The following LARGE1 variants were observed in gnomAD, a reference collection of about 807,000 sequenced individuals.
LARGE1 encodes LARGE xylosyl- and glucuronyltransferase 1, also known as xylosyl- and glucuronyltransferase LARGE1.
Under a neutral mutation model 87.6 loss-of-function variants are expected in LARGE1, and 43 were observed. That is an observed-to-expected ratio of 0.49 (90% CI 0.38 to 0.63). LARGE1 has a LOEUF of 0.63. LARGE1 is among the 30% of genes least tolerant of loss of function. The probability of loss-of-function intolerance (pLI) is 0.00; values close to 1 mark genes in which losing one functional copy is unlikely to be tolerated. For missense variants in LARGE1, 802 were observed against 1,000.2 expected (o/e 0.80, Z 2.67); for synonymous variants, 434 against 394.6 (o/e 1.10, Z -1.18).
At chr22:33,878,125 A>ATTTATTT (rs1601836110) in intron 1 of LARGE1, among the ~76,000 whole-genome samples, 1 of 51,234 alleles carries the variant, frequency 2.0e-5, no homozygotes, top group Non-Finnish European at 4.1e-5. Flanking sequence ...TTTATATTGT[A>ATTTATTT]TTTCTTTTTT....
intron 1 of LARGE1, among the ~76,000 whole-genome samples, chr22:33,858,656 C>T (rs1347143902): frequency 6.6e-6 from 1 of 152,116 alleles, no homozygotes; most frequent in Non-Finnish European, 1.5e-5. Context: ...CTTAGTTGGC[C>T]TAGGAAATCC....
chr22:33,760,423 T>C (rs964610500), intron 2 of LARGE1, among the ~76,000 whole-genome samples: 1 of 152,144 alleles, frequency 6.6e-6, no homozygotes, highest in Non-Finnish European at 1.5e-5. Context: ...CGGCCCCTCA[T>C]GTAACTGATC....
intron 6 of LARGE1, among the ~76,000 whole-genome samples, chr22:33,520,259 TG>T (rs1244465193): frequency 6.6e-6 from 1 of 152,052 alleles, no homozygotes; most frequent in Non-Finnish European, 1.5e-5. Context: ...TTTTCTGTAC[TG>T]ATGGGGGGTC....
chr22:33,124,395 A>AGGAAAGAAGG, the LARGE1 span, among the ~76,000 whole-genome samples: 1 of 148,154 alleles, frequency 6.7e-6, no homozygotes, highest in South Asian at 2.2e-4. Context: ...GGAGGAAGGA[A>AGGAAAGAAGG]AATGATGGCT....
the LARGE1 span, among the ~76,000 whole-genome samples, chr22:33,118,504 G>GAAAAAA: frequency 1.6e-4 from 13 of 80,448 alleles, no homozygotes; most frequent in African/African-American, 2.4e-4. Context: ...AAAGAAAAAA[G>GAAAAAA]AAAAAAAAAA....
At chr22:33,104,913 TTC>T in the LARGE1 span, among the ~76,000 whole-genome samples, 1 of 66,020 alleles carries the variant, frequency 1.5e-5, no homozygotes, top group Non-Finnish European at 4.0e-5. Context: ...CTTTCTTTCT[TTC>T]TTTCTTTCTT....
intron 7 of LARGE1, among the ~76,000 whole-genome samples, chr22:33,402,052 T>C (rs1006460736): frequency 1.3e-5 from 2 of 152,204 alleles, no homozygotes; most frequent in South Asian, 2.1e-4. Flanking sequence ...CTGATTGTTA[T>C]GTTATTTCAG....
chr22:33,380,298 T>A (rs1224441023), intron 9 of LARGE1, among the ~76,000 whole-genome samples: 1 of 152,228 alleles, frequency 6.6e-6, no homozygotes, highest in Non-Finnish European at 1.5e-5. Flanking sequence ...CAGAAGGAAC[T>A]GAATAAATGC....
At chr22:33,101,088 G>T in the LARGE1 span, among the ~76,000 whole-genome samples, 1 of 151,868 alleles carries the variant, frequency 6.6e-6, no homozygotes, top group East Asian at 1.9e-4. Flanking sequence ...GAGGTGATCC[G>T]CCTGCCTCAG....
intron 12 of LARGE1, among the ~76,000 whole-genome samples, chr22:33,298,694 G>C (rs1438553892): frequency 6.6e-6 from 1 of 152,136 alleles, no homozygotes; most frequent in East Asian, 1.9e-4. Context: ...AGCTGGGCAA[G>C]GTGGTGTACA....
At chr22:33,448,436 A>G (rs1413272666) in intron 6 of LARGE1, among the ~76,000 whole-genome samples, 1 of 152,222 alleles carries the variant, frequency 6.6e-6, no homozygotes, top group Non-Finnish European at 1.5e-5. Flanking sequence ...AAGAAAAGAA[A>G]GTATTACTTG....
intron 6 of LARGE1, among the ~76,000 whole-genome samples, chr22:33,562,627 G>C (rs544371019): frequency 6.6e-6 from 1 of 152,262 alleles, no homozygotes; most frequent in African/African-American, 2.4e-5. Flanking sequence ...AAGTCCTTGG[G>C]CCAGCTATGG....
At chr22:33,568,035 T>C (rs1362977735) in intron 5 of LARGE1, among the ~76,000 whole-genome samples, 5 of 152,124 alleles carry the variant, frequency 3.3e-5, no homozygotes, top group African/African-American at 1.2e-4. Flanking sequence ...ATATGCAGAA[T>C]TAGGGGCAGT....
At chr22:33,651,528 C>T (rs1479026735) in intron 2 of LARGE1, among the ~76,000 whole-genome samples, 2 of 152,080 alleles carry the variant, frequency 1.3e-5, no homozygotes, top group South Asian at 4.1e-4. Flanking sequence ...CTTCCATTTG[C>T]AGGCAAGATA....
At chr22:33,185,702 T>C (rs1271135289) in intron 11 of LARGE1, among the ~76,000 whole-genome samples, 1 of 152,136 alleles carries the variant, frequency 6.6e-6, no homozygotes, top group Non-Finnish European at 1.5e-5. Context: ...TTGCTGTGAA[T>C]CTATAACTGT....
chr22:33,243,355 T>C (rs953484443), intron 11 of LARGE1, among the ~76,000 whole-genome samples: 1 of 152,214 alleles, frequency 6.6e-6, no homozygotes, highest in African/African-American at 2.4e-5. Flanking sequence ...ACATTTTTTA[T>C]CACCTCAGAA....
intron 4 of LARGE1, among the ~76,000 whole-genome samples, chr22:33,619,564 A>AG (rs1254277641): frequency 2.6e-5 from 4 of 151,732 alleles, no homozygotes; most frequent in African/African-American, 9.7e-5. Flanking sequence ...CAAAAAAAAA[A>AG]AAAAAAAGAA....
At chr22:33,141,490 T>C in the LARGE1 span, among the ~76,000 whole-genome samples, 2 of 152,128 alleles carry the variant, frequency 1.3e-5, no homozygotes, top group South Asian at 4.1e-4. Flanking sequence ...TAAATATTTC[T>C]TGCCTTTTTA....
intron 11 of LARGE1, among the ~76,000 whole-genome samples, chr22:33,306,339 C>T (rs1405273099): frequency 6.6e-6 from 1 of 152,188 alleles, no homozygotes; most frequent in Non-Finnish European, 1.5e-5. Flanking sequence ...ATTTGTACAA[C>T]TCCTCTGAGA....
Sources: gnomAD v4.1 joint callset for allele counts (sites outside exome capture counted in the v4.1 genomes callset) on GRCh38, gnomAD v4.1.1 for gene constraint, MANE v1.5 for transcripts, NCBI Gene and HGNC (gene_info 2026-07-23, HGNC 2026-07-21) for gene names.